Variants in CCSER1 observed in about 807,000 individuals in gnomAD.
CCSER1 encodes serine-rich coiled-coil domain-containing protein 1.
A neutral mutation model predicts 82.0 loss-of-function variants in CCSER1; 41 were observed. That is an observed-to-expected ratio of 0.50 (90% CI 0.39 to 0.65). The LOEUF is 0.65. CCSER1 is among the 30% of genes least tolerant of loss of function. The pLI, the probability that CCSER1 is intolerant of heterozygous loss-of-function variation, is 0.00. For synonymous variants in CCSER1, 414 were observed against 383.9 expected (o/e 1.08, Z -0.92); for missense variants, 1,119 against 1,064.2 (o/e 1.05, Z -0.72).
intron 5 of CCSER1, among the ~76,000 whole-genome samples, chr4:90,614,344 G>A (rs1309752541): frequency 1.3e-5 from 2 of 152,200 alleles, no homozygotes; most frequent in East Asian, 1.9e-4. Context: ...ACAATGCCCT[G>A]TAGATGTTCA....
chr4:90,662,772 T>A (rs1731067954), intron 6 of CCSER1, among the ~76,000 whole-genome samples: 1 of 152,204 alleles, frequency 6.6e-6, no homozygotes, highest in Non-Finnish European at 1.5e-5. Context: ...GTTTTTTCAT[T>A]ACGCTCTTGT....
intron 1 of CCSER1, among the ~76,000 whole-genome samples, chr4:90,182,601 T>C (rs1405161063): frequency 1.3e-5 from 2 of 152,174 alleles, no homozygotes. Flanking sequence ...ATTGACTAAT[T>C]ATTAAAGCTT....
intron 8 of CCSER1, among the ~76,000 whole-genome samples, chr4:90,834,140 T>G (rs897790122): frequency 3.9e-5 from 6 of 152,214 alleles, no homozygotes; most frequent in Non-Finnish European, 8.8e-5. Flanking sequence ...TTTTTGTGTA[T>G]TTTTACAGTT....
At chr4:90,955,371 T>C (rs1733330425) in intron 9 of CCSER1, among the ~76,000 whole-genome samples, 1 of 152,168 alleles carries the variant, frequency 6.6e-6, no homozygotes, top group South Asian at 2.1e-4. Flanking sequence ...AGGCAAGCAT[T>C]AGCTCACAAA....
intron 10 of CCSER1, among the ~76,000 whole-genome samples, chr4:91,134,048 G>A (rs534513128): frequency 1.3e-5 from 2 of 152,238 alleles, no homozygotes; most frequent in South Asian, 2.1e-4. Context: ...GCAGTGAGCC[G>A]AGATCGTGCC....
intron 8 of CCSER1, among the ~76,000 whole-genome samples, chr4:90,914,495 G>A (rs1208603923): frequency 1.3e-5 from 2 of 152,110 alleles, no homozygotes; most frequent in Admixed American, 6.6e-5. Flanking sequence ...ATTTAAAGCA[G>A]TGCGTTGAGG....
intron 9 of CCSER1, among the ~76,000 whole-genome samples, chr4:91,070,199 C>G (rs1286250227): frequency 6.6e-6 from 1 of 152,072 alleles, no homozygotes; most frequent in Non-Finnish European, 1.5e-5. Context: ...GTTGACCAGA[C>G]TGTTTAGAAC....
intron 1 of CCSER1, among the ~76,000 whole-genome samples, chr4:90,267,312 A>T (rs2153451733): frequency 6.6e-6 from 1 of 152,200 alleles, no homozygotes; most frequent in Middle Eastern, 3.4e-3. Flanking sequence ...CTTGTATTCC[A>T]GCTCAGCCAC....
chr4:91,437,264 C>T (rs932408876), intron 10 of CCSER1, among the ~76,000 whole-genome samples: 1 of 152,134 alleles, frequency 6.6e-6, no homozygotes, highest in Non-Finnish European at 1.5e-5. Context: ...ATCTCATACC[C>T]TGGGGGAAGC....
chr4:91,263,330 A>C (rs2149169043), intron 10 of CCSER1, among the ~76,000 whole-genome samples: 1 of 152,196 alleles, frequency 6.6e-6, no homozygotes, highest in African/African-American at 2.4e-5. Context: ...GGTTAATTTT[A>C]ATCACGACAT....
At chr4:90,193,831 G>T (rs928161590) in intron 1 of CCSER1, among the ~76,000 whole-genome samples, 11 of 151,998 alleles carry the variant, frequency 7.2e-5, no homozygotes, top group Non-Finnish European at 1.6e-4. Context: ...AATAAATCCT[G>T]CTAGTCTAGT....
chr4:91,152,798 G>A (rs1271725856), intron 10 of CCSER1, among the ~76,000 whole-genome samples: 2 of 148,986 alleles, frequency 1.3e-5, no homozygotes, highest in Admixed American at 6.6e-5. Context: ...GGCTGGTTAT[G>A]AAATTCTGAG....
chr4:90,983,343 T>G (rs1274697895), intron 9 of CCSER1, among the ~76,000 whole-genome samples: 1 of 151,798 alleles, frequency 6.6e-6, no homozygotes, highest in Non-Finnish European at 1.5e-5. Context: ...AATTTAATTT[T>G]TTTCTCTTTA....
intron 5 of CCSER1, among the ~76,000 whole-genome samples, chr4:90,519,265 C>T (rs1560649080): frequency 6.6e-6 from 1 of 151,766 alleles, no homozygotes; most frequent in East Asian, 1.9e-4. Flanking sequence ...CCTCCTCTCT[C>T]ATGAAGCTTA....
intron 10 of CCSER1, among the ~76,000 whole-genome samples, chr4:91,431,875 T>G (rs558255723): frequency 3.9e-5 from 6 of 152,212 alleles, no homozygotes; most frequent in Non-Finnish European, 7.3e-5. Context: ...CACAGGTTTT[T>G]TTTTTCTTTA....
chr4:91,483,770 C>T (rs1027516551), intron 10 of CCSER1, among the ~76,000 whole-genome samples: 6 of 152,012 alleles, frequency 3.9e-5, no homozygotes, highest in African/African-American at 1.4e-4. Context: ...TTTATTATAT[C>T]TTATTTTTGT....
At chr4:90,595,621 T>C (rs1158174740) in intron 5 of CCSER1, among the ~76,000 whole-genome samples, 11 of 151,878 alleles carry the variant, frequency 7.2e-5, no homozygotes, top group Admixed American at 7.2e-4. Flanking sequence ...CGTGGTGAAA[T>C]TATTAGATCC....
chr4:91,543,591 T>C (rs1761724174), intron 10 of CCSER1, among the ~76,000 whole-genome samples: 1 of 152,182 alleles, frequency 6.6e-6, no homozygotes, highest in African/African-American at 2.4e-5. Flanking sequence ...GAAATCTGAG[T>C]TGAAAATTCT....
intron 10 of CCSER1, among the ~76,000 whole-genome samples, chr4:91,169,886 G>T (rs766669252): frequency 2.0e-5 from 3 of 152,112 alleles, no homozygotes; most frequent in Non-Finnish European, 4.4e-5. Context: ...TATTGATAAA[G>T]TCAATATGCT....
Sources: gnomAD v4.1 joint callset for allele counts (sites outside exome capture counted in the v4.1 genomes callset) on GRCh38, gnomAD v4.1.1 for gene constraint, MANE v1.5 for transcripts, NCBI Gene and HGNC (gene_info 2026-07-23, HGNC 2026-07-21) for gene names.